Variants in TIAL1 observed in about 807,000 individuals in gnomAD.
The protein encoded by TIAL1 is TIA1 cytotoxic granule associated RNA binding protein like 1, also known as nucleolysin TIAR.
A neutral mutation model predicts 59.7 loss-of-function variants in TIAL1; 7 were observed. The observed-to-expected ratio is 0.12, with a 90% CI of 0.07 to 0.22. TIAL1 has a LOEUF of 0.22. Ranked by LOEUF, TIAL1 falls within the 10% of genes least tolerant of loss-of-function variation. The pLI, the probability that TIAL1 is intolerant of heterozygous loss-of-function variation, is 1.00. For missense variants in TIAL1, 225 were observed against 462.5 expected, an observed-to-expected ratio of 0.49 and a Z score of 4.71; for synonymous variants, 149 against 146.3, an observed-to-expected ratio of 1.02 and a Z score of -0.13.
rs371349827 is a variant in TIAL1, at chr10:119,596,648, CAGGAGGAGG to C, written c.-192_-184del. 2.0e-5 allele frequency: 12 copies of C among 600,148 alleles called. No individual in the cohort carries two copies. The highest frequency in any genetic ancestry group is 4.0e-5 in the South Asian group (2 of 50,620). 37.2% of individuals were successfully genotyped at this position (600,148 alleles called of 1,614,324 possible). ...GACACTGCGCTCCAACCAGGAGGAG[CAGGAGGAGG>C]AGGAGGATGAACAAAATGGCCGCCG... On this transcript the variant is annotated 5_prime_UTR_variant, in exon 1 of 12. Transcript: ENST00000436547.
At position 119,582,722 on chromosome 10, in the gene TIAL1, AC is replaced by A; in HGVS notation, c.130-166del. On this transcript the variant is annotated intron_variant, in intron 2 of 11. Coordinates refer to ENST00000436547, the MANE Select transcript of TIAL1 (RefSeq NM_003252.4). The surrounding 1 kb of genome is among the most constrained non-coding windows in gnomAD (Gnocchi z 5.1). ...TAAATAAGATTTAAAGCTAAACCTG[AC>A]TTTGCACCTCAGAATACTGCTGAAC... 1 of 1,093,140 alleles carries A rather than the reference AC, an allele frequency of 9.1e-7. No homozygotes were observed. The highest frequency in any genetic ancestry group is 1.2e-6 in the Non-Finnish European group (1 of 810,748). The allele number at this position is 1,093,140 out of a possible 1,614,324, so 67.7% of individuals were successfully genotyped here.
Position 119,575,455 on chromosome 10 carries a change from A to G in TIAL1, c.*210T>C. ...TTTTAGTTTTTGTACATAAAGAAAAATCATGTTCATATCCATCATGAACAA... is the reference window on the plus strand; with the variant it reads ...TTTTAGTTTTTGTACATAAAGAAAAGTCATGTTCATATCCATCATGAACAA... On this transcript the variant is annotated 3_prime_UTR_variant, in exon 12 of 12. Coordinates refer to ENST00000436547, the MANE Select transcript of TIAL1 (RefSeq NM_003252.4). 1 of 462,846 alleles carries G rather than the reference A, an allele frequency of 2.2e-6. No individual in the cohort carries two copies. 28.7% of individuals were successfully genotyped at this position (462,846 alleles called of 1,614,324 possible).
intron 2 of TIAL1, among the ~76,000 whole-genome samples, chr10:119,584,148 G>T (rs1024025207): frequency 1.1e-4 from 16 of 151,806 alleles, no homozygotes; most frequent in Admixed American, 6.6e-5. Context: ...CTAATAGTAG[G>T]CCAGCTCCCA....
intron 9 of TIAL1, 106 bp downstream of exon 9, chr10:119,577,345 A>C: frequency 7.0e-7 from 1 of 1,429,226 alleles, no homozygotes; most frequent in Non-Finnish European, 9.4e-7. Flanking sequence ...AAACTTCTAT[A>C]CTGCAAAGAA....
chr10:119,596,395 G>A, intron 1 of TIAL1, 39 bp downstream of exon 1: 1 of 1,609,736 alleles, frequency 6.2e-7, no homozygotes, highest in African/African-American at 1.3e-5. Context: ...CGGTGCCCGG[G>A]CCTCTTGGCG....
At chr10:119,588,126 A>T (rs1337466579) in intron 2 of TIAL1, 26 bp downstream of exon 2, 6 of 1,372,224 alleles carry the variant, frequency 4.4e-6, no homozygotes, top group Non-Finnish European at 5.9e-6. Context: ...GCTAATTGTC[A>T]GCACATGGAA....
chr10:119,588,617 T>TA (rs1314397065), intron 1 of TIAL1, among the ~76,000 whole-genome samples: 1 of 152,220 alleles, frequency 6.6e-6, no homozygotes, highest in African/African-American at 2.4e-5. Context: ...GTGCTGGAAT[T>TA]ACAAGCGTGA....
At chr10:119,591,591 G>C (rs1845883636) in intron 1 of TIAL1, among the ~76,000 whole-genome samples, 1 of 151,990 alleles carries the variant, frequency 6.6e-6, no homozygotes, top group Non-Finnish European at 1.5e-5. Context: ...CAGTATTAAG[G>C]TTTCCTATTT....
chr10:119,586,522 A>C (rs1358353179), intron 2 of TIAL1, among the ~76,000 whole-genome samples: 1 of 152,134 alleles, frequency 6.6e-6, no homozygotes, highest in Non-Finnish European at 1.5e-5. Flanking sequence ...TCTCCATAAA[A>C]CAGTCATTCT....
At chr10:119,588,679 C>A (rs1589878754) in intron 1 of TIAL1, among the ~76,000 whole-genome samples, 1 of 152,082 alleles carries the variant, frequency 6.6e-6, no homozygotes, top group African/African-American at 2.4e-5. Flanking sequence ...CTGTTTTCAA[C>A]AAAATTTCTC....
At position 119,582,712 on chromosome 10, in the gene TIAL1, G is replaced by C. The variant is rs74353857; in HGVS notation, c.130-155C>G. On this transcript the variant is annotated intron_variant, in intron 2 of 11. Coordinates refer to ENST00000436547, the MANE Select transcript of TIAL1 (RefSeq NM_003252.4). This position sits in a 1 kb window ranked among gnomAD's most constrained non-coding sequence, Gnocchi z 5.1. ...TAACACTTTTTAAATAAGATTTAAA[G>C]CTAAACCTGACTTTGCACCTCAGAA... 71,694 of 1,242,538 alleles carry C rather than the reference G, an allele frequency of 0.058. 2,431 individuals are homozygous for C. The highest frequency in any genetic ancestry group is 0.066 in the Non-Finnish European group (62,461 of 940,420). 77.0% of individuals were successfully genotyped at this position (1,242,538 alleles called of 1,614,324 possible).
intron 1 of TIAL1, among the ~76,000 whole-genome samples, chr10:119,595,882 G>A (rs1168516447): frequency 6.6e-6 from 1 of 152,174 alleles, no homozygotes; most frequent in African/African-American, 2.4e-5. Flanking sequence ...GCGGGGGCAC[G>A]TGGGGCATAA....
At chr10:119,592,761 T>TCACA (rs201563429) in intron 1 of TIAL1, among the ~76,000 whole-genome samples, 2,876 of 111,544 alleles carry the variant, frequency 0.026, 111 homozygotes, top group East Asian at 0.14. Flanking sequence ...TATGAGATAT[T>TCACA]CTCACACACA....
rs989981982 is a variant in TIAL1 at position 119,577,214 on chromosome 10, A to C, written c.738-11T>G. On this transcript the variant is annotated splice_polypyrimidine_tract_variant and intron_variant, in intron 9 of 11. Transcript: ENST00000436547. ...TCATGGGTTGAAAATCTAAGAAAGA[A>C]AAATGATATGGTTTTGTCTTTTATT... The C allele has an allele frequency of 6.3e-7, 1 of 1,594,688 alleles. No homozygotes were observed. The highest frequency in any genetic ancestry group is 1.4e-5 in the African/African-American group (1 of 73,710).
At position 119,596,531 on chromosome 10, in the gene TIAL1, G is replaced by C; in HGVS notation, c.-66C>G. On this transcript the variant is annotated 5_prime_UTR_variant, in exon 1 of 12. Coordinates refer to ENST00000436547, the MANE Select transcript of TIAL1 (RefSeq NM_003252.4). ...AGGGTTGGGGAGGGGAGGGGGTGGG[G>C]AGGAAGGGGAGGGGGGCTCTGGGCA... The C allele has an allele frequency of 2.7e-6, 1 of 371,142 alleles. No individual in the cohort carries two copies. Among genetic ancestry groups the C allele is most frequent in the African/African-American group, 2.2e-5 (1 of 46,086 alleles). The allele number at this position is 371,142 out of a possible 1,614,324, so 23.0% of individuals were successfully genotyped here. A position where few individuals can be genotyped will look rare whatever the true frequency, so the allele number is the denominator to read the frequency against.
At chr10:119,592,239 T>G (rs1208863166) in intron 1 of TIAL1, 1 of 152,062 alleles carries the variant, frequency 6.6e-6, no homozygotes, top group East Asian at 1.9e-4. Flanking sequence ...AACGAAAAAA[T>G]TCAGAAGAGG....
rs539544095 is a variant in TIAL1 at position 119,573,943 on chromosome 10, T to C, written c.*1722A>G. 4 of 152,542 alleles carry C rather than the reference T, an allele frequency of 2.6e-5. No homozygotes were observed. Among genetic ancestry groups the C allele is most frequent in the African/African-American group, 9.6e-5 (4 of 41,590 alleles). The allele number at this position is 152,542 out of a possible 1,614,324, so 9.4% of individuals were successfully genotyped here. ...GAGGAAAGTAATACCAAAATTATTG[T>C]GACCACCAATTTATAAAATCATTAT... On this transcript the variant is annotated 3_prime_UTR_variant, in exon 12 of 12. Coordinates refer to ENST00000436547, the MANE Select transcript of TIAL1 (RefSeq NM_003252.4).
chr10:119,590,204 CTG>C (rs1195124269), intron 1 of TIAL1, among the ~76,000 whole-genome samples: 1 of 152,196 alleles, frequency 6.6e-6, no homozygotes, highest in Non-Finnish European at 1.5e-5. Flanking sequence ...AAGTGACAAA[CTG>C]TTTTACGTCC....
At chr10:119,594,768 G>T (rs566074285) in intron 1 of TIAL1, among the ~76,000 whole-genome samples, 2 of 152,272 alleles carry the variant, frequency 1.3e-5, no homozygotes, top group African/African-American at 2.4e-5. Flanking sequence ...GGGACTACAG[G>T]CGCGCGCCAC....
Sources: allele counts gnomAD v4.1 joint callset (sites outside exome capture counted in the v4.1 genomes callset), GRCh38; gene constraint gnomAD v4.1.1; non-coding constraint Gnocchi (gnomAD v3.1); transcripts MANE v1.5; gene names NCBI Gene and HGNC (gene_info 2026-07-23, HGNC 2026-07-21).